Variants in HECTD4 observed in about 807,000 individuals in gnomAD.
HECTD4 encodes the protein probable E3 ubiquitin-protein ligase HECTD4.
In HECTD4, 114 loss-of-function variants were observed where a neutral mutation model predicts 471.5. That is an observed-to-expected ratio of 0.24 (90% CI 0.21 to 0.28). The LOEUF (loss-of-function observed/expected upper bound fraction) is 0.28. Ranked by LOEUF, HECTD4 falls within the 10% of genes least tolerant of loss-of-function variation. The pLI is 1.00. For synonymous variants in HECTD4, 2,012 were observed against 2,256.0 expected (o/e 0.89, Z 3.07); for missense variants, 3,866 against 5,651.5 (o/e 0.68, Z 10.13).
At position 112,162,503 on chromosome 12, in the gene HECTD4, T is replaced by C; in HGVS notation, c.13141A>G (p.Ile4381Val). 2.5e-6 allele frequency: 4 copies of C among 1,613,986 alleles called. No individual in the cohort carries two copies. The highest frequency in any genetic ancestry group is 1.7e-6 in the Non-Finnish European group (2 of 1,179,876). The stretch of plus-strand genomic sequence containing the variant: ...ATGAACATGCAGGTCTCCACGCGGA[T>C]GTAGCGAGAGTCTGGGGAACCTACA... ...GTAGSPDSRY[I>V]RVETCMFMIK... is the part of the protein sequence containing the mutation. The change falls in exon 76 of 76, where the codon ATC becomes GTC. Residue 4381 changes from isoleucine (I) to valine (V), a missense_variant. Physicochemically the swap from Ile to Val is conservative, Grantham distance 29 (BLOSUM62 3). This residue lies in a region of HECTD4 where 715 missense variants were observed against 1,087.6 expected (regional missense o/e 0.66). Coordinates refer to ENST00000682272, the MANE Select transcript of HECTD4 (RefSeq NM_001388303.1). This position sits in a 1 kb window ranked among gnomAD's most constrained non-coding sequence, Gnocchi z 5.2.
rs770043835 is a variant in HECTD4, at chr12:112,243,372, C to A, written c.4939G>T (p.Val1647Phe). 1.2e-6 allele frequency: 2 copies of A among 1,612,108 alleles called. No homozygotes were observed. The highest frequency in any genetic ancestry group is 1.3e-5 in the African/African-American group (1 of 74,848). ...ACTAACCTGGGTCCTCCCTGAAGGA[C>A]CATCGTCACTGGACCCACAAGATGC... is the stretch of plus-strand genomic sequence containing the variant. ...VTHLVGPVTM[V>F]LQGGPRIEEL... The change falls in exon 32 of 76, where the codon GTC becomes TTC. Residue 1647 changes from valine to phenylalanine, a missense_variant. Around this residue, in one of 16 missense-constraint regions of HECTD4, gnomAD observed 229 missense variants for 386.4 expected, o/e 0.59. Coordinates refer to ENST00000682272, the MANE Select transcript of HECTD4 (RefSeq NM_001388303.1). The surrounding 1 kb of genome is among the most constrained non-coding windows in gnomAD (Gnocchi z 6.6).
chr12:112,178,796 TG>T, intron 64 of HECTD4, 134 bp downstream of exon 64: 1 of 1,050,064 alleles, frequency 9.5e-7, no homozygotes, highest in Non-Finnish European at 1.3e-6. Context: ...CACTCCAGCC[TG>T]GGCGACAAAG....
intron 39 of HECTD4, 141 bp from the exon 40 acceptor site, chr12:112,230,963 A>C (rs2033364588): frequency 7.0e-6 from 5 of 713,906 alleles, no homozygotes; most frequent in Non-Finnish European, 9.0e-6. Context: ...GAAAACAAGA[A>C]GCTACATTAT....
At chr12:112,264,026 A>C in intron 17 of HECTD4, 58 bp downstream of exon 17, 2 of 1,479,826 alleles carry the variant, frequency 1.4e-6, no homozygotes, top group Middle Eastern at 1.8e-4. Flanking sequence ...AATTTAGCCA[A>C]TTAAGCTGCT....
In HECTD4 at chr12:112,247,512, C is replaced by T; in HGVS notation, c.4287G>A (p.Lys1429=). The T allele has an allele frequency of 6.5e-7, 1 of 1,539,666 alleles. No individual in the cohort carries two copies. Among genetic ancestry groups the T allele is most frequent in the East Asian group, 2.4e-5 (1 of 41,820 alleles). Reference sequence around the variant, plus strand: ...GATCATTCCCATCAAAGGAGACTTCCTTCATTGAACATAAAAGTTCTAGTT... The same window carrying T: ...GATCATTCCCATCAAAGGAGACTTCTTTCATTGAACATAAAAGTTCTAGTT... ...MKELELLCSM[K]EVSFDGNDLE... is the part of the protein sequence containing the mutation. Residue 1429 remains lysine (K), a synonymous_variant, in exon 28 of 76, where the codon AAG becomes AAA. Transcript: ENST00000682272.
At chr12:112,297,045 ATAGGTGCAGATGGTG>A (rs1404291030) in intron 7 of HECTD4, among the ~76,000 whole-genome samples, 2 of 102,796 alleles carry the variant, frequency 1.9e-5, no homozygotes, top group Non-Finnish European at 3.8e-5. Context: ...TGCAGTGGAT[ATAGGTGCAGATGGTG>A]TAGGTGTAGA....
intron 1 of HECTD4, among the ~76,000 whole-genome samples, chr12:112,336,881 A>G (rs1418817645): frequency 6.6e-6 from 1 of 152,218 alleles, no homozygotes; most frequent in African/African-American, 2.4e-5. Context: ...TTGTTATAAT[A>G]AGTTTTTTAA....
At chr12:112,343,959 G>A (rs1167530772) in intron 1 of HECTD4, among the ~76,000 whole-genome samples, 1 of 152,204 alleles carries the variant, frequency 6.6e-6, no homozygotes, top group East Asian at 1.9e-4. Flanking sequence ...TTTTTAAAAA[G>A]ACAATACTGT....
intron 40 of HECTD4, among the ~76,000 whole-genome samples, 189 bp from the exon 41 acceptor site, chr12:112,230,069 T>C (rs1191811732): frequency 1.3e-5 from 2 of 152,082 alleles, no homozygotes; most frequent in African/African-American, 2.4e-5. Flanking sequence ...CTGGACAAAA[T>C]TGGAAATACA....
intron 53 of HECTD4, 146 bp from the exon 54 acceptor site, chr12:112,203,918 C>G (rs555857299): frequency 3.2e-4 from 149 of 473,014 alleles, no homozygotes; most frequent in African/African-American, 2.8e-3. Context: ...TTAACAGAAC[C>G]CTCAGTTTTG....
chr12:112,287,061 C>T (rs1211285081), intron 7 of HECTD4, among the ~76,000 whole-genome samples: 2 of 152,208 alleles, frequency 1.3e-5, no homozygotes, highest in Non-Finnish European at 2.9e-5. Context: ...AGTTGGTCAC[C>T]CTGTCTGTCA....
chr12:112,309,528 G>A (rs1362983729), intron 5 of HECTD4, 33 bp downstream of exon 5: 1 of 905,772 alleles, frequency 1.1e-6, no homozygotes, highest in Non-Finnish European at 1.7e-6. Flanking sequence ...TAATGTTCTA[G>A]CCCAATCATT....
In HECTD4 at chr12:112,324,045, C is replaced by CTTTCTTTCTTTCTTTCTTT. The variant is rs2035676990; in HGVS notation, c.178-4304_178-4303insAAAGAAAGAAAGAAAGAAA. On this transcript the variant is annotated intron_variant, in intron 1 of 75. Transcript: ENST00000682272. ...TCCTTCCTTCCTTCCTTCCTTCCTT[C>CTTTCTTTCTTTCTTTCTTT]CTTTCTTTCTTTCTTTCTTTCTTTC... Among the ~76,000 whole-genome samples the CTTTCTTTCTTTCTTTCTTT allele has an allele frequency of 1.4e-4, 2 of 13,934 alleles. 1 individual carries two copies. The highest frequency in any genetic ancestry group is 1.5e-3 in the Admixed American group (2 of 1,314). The allele number at this position is 13,934 out of a possible 152,430, so 9.1% of individuals were successfully genotyped here.
At chr12:112,231,036 G>T (rs1764285217) in intron 39 of HECTD4, 3 of 521,514 alleles carry the variant, frequency 5.8e-6, no homozygotes, top group Admixed American at 3.5e-5. Context: ...TCAAACAATG[G>T]ACCTCAAACT....
intron 55 of HECTD4, among the ~76,000 whole-genome samples, chr12:112,196,317 A>G (rs2032244194): frequency 6.6e-6 from 1 of 152,220 alleles, no homozygotes; most frequent in South Asian, 2.1e-4. Flanking sequence ...AAGTGAAGAT[A>G]AACAAAAAGA....
chr12:112,193,770 C>T lies in HECTD4; in HGVS notation c.8750-96G>A, dbSNP rs2032156215. 1.9e-6 allele frequency: 2 copies of T among 1,072,294 alleles called. No individual in the cohort carries two copies. The highest frequency in any genetic ancestry group is 2.8e-6 in the Non-Finnish European group (2 of 720,442). The allele number at this position is 1,072,294 out of a possible 1,614,324, so 66.4% of individuals were successfully genotyped here. ...GAAAATGAATAACCCATCCAGAAAC[C>T]CCAGATGGGAGGGTTATCCTGGATA... On this transcript the variant is annotated intron_variant, in intron 56 of 75. Transcript: ENST00000682272. The surrounding 1 kb of genome is among the most constrained non-coding windows in gnomAD (Gnocchi z 5.2).
In HECTD4 at chr12:112,319,213, G is replaced by A. The variant is rs1023240357; in HGVS notation, c.695+12C>T. 6 of 1,535,558 alleles carry A rather than the reference G, an allele frequency of 3.9e-6. No homozygotes were observed. The highest frequency in any genetic ancestry group is 2.4e-5 in the East Asian group (1 of 40,932). On this transcript the variant is annotated intron_variant, in intron 2 of 75. Transcript: ENST00000682272. This position sits in a 1 kb window ranked among gnomAD's most constrained non-coding sequence, Gnocchi z 5.3. ...CACAAGGTCACCAAATGATACATTCGATTTTCCTTACCTGGCACAAGCCAA... is the reference window on the plus strand; with the variant it reads ...CACAAGGTCACCAAATGATACATTCAATTTTCCTTACCTGGCACAAGCCAA...
intron 69 of HECTD4, 79 bp downstream of exon 69, chr12:112,170,254 T>G: frequency 6.5e-7 from 1 of 1,545,476 alleles, no homozygotes; most frequent in Non-Finnish European, 8.8e-7. Context: ...CTGGACCCCC[T>G]TCTTTTATGT....
At chr12:112,267,007 C>A (rs923646657) in intron 13 of HECTD4, 25 bp from the exon 14 acceptor site, 2 of 1,272,506 alleles carry the variant, frequency 1.6e-6, no homozygotes, top group East Asian at 2.5e-5. Context: ...AAGTCAAAAA[C>A]ATTTAAGCAA....
Sources: gnomAD v4.1 joint callset for allele counts (sites outside exome capture counted in the v4.1 genomes callset) on GRCh38, gnomAD v4.1.1 for gene constraint, gnomAD v4.1.1 regional missense constraint, Gnocchi (gnomAD v3.1) non-coding constraint, MANE v1.5 for transcripts, NCBI Gene and HGNC (gene_info 2026-07-23, HGNC 2026-07-21) for gene names.